The following ANKRD62 variants were observed in gnomAD, a reference collection of about 807,000 sequenced individuals.
ANKRD62 encodes ankyrin repeat domain 62, also known as ankyrin repeat domain-containing protein 62.
A neutral mutation model predicts 98.8 loss-of-function variants in ANKRD62; 61 were observed. That is an observed-to-expected ratio of 0.62 (90% CI 0.50 to 0.76). The LOEUF (loss-of-function observed/expected upper bound fraction) is 0.76, where lower values mean the gene tolerates loss of function less well. Among genes scored for constraint, ANKRD62 ranks in the 30% least tolerant of loss-of-function variants. The pLI is 0.00. For missense variants in ANKRD62, 933 were observed against 1,082.9 expected (o/e 0.86, Z 1.94); for synonymous variants, 341 against 367.9 (o/e 0.93, Z 0.84).
the ANKRD62 span, among the ~76,000 whole-genome samples, chr18:12,171,039 G>C: frequency 1.3e-5 from 2 of 150,288 alleles, no homozygotes; most frequent in East Asian, 4.0e-4. Flanking sequence ...GTCTCTGCAC[G>C]TGAGATGAGT....
intron 8 of ANKRD62, among the ~76,000 whole-genome samples, chr18:12,113,821 C>T (rs921509635): frequency 6.6e-6 from 1 of 152,180 alleles, no homozygotes; most frequent in Non-Finnish European, 1.5e-5. Context: ...ATAAATTATT[C>T]TGTTATAAAG....
chr18:12,160,778 G>T, the ANKRD62 span, among the ~76,000 whole-genome samples: 2 of 152,106 alleles, frequency 1.3e-5, no homozygotes, highest in African/African-American at 4.8e-5. Context: ...GGCATTATAT[G>T]TAAGTTGTTT....
At chr18:12,131,627 G>C (rs1449839473), downstream of ANKRD62, among the ~76,000 whole-genome samples, 1 of 152,134 alleles carries the variant, frequency 6.6e-6, no homozygotes, top group Non-Finnish European at 1.5e-5. Context: ...GGTTATGGTA[G>C]TGATTTAAGG....
the ANKRD62 span, among the ~76,000 whole-genome samples, chr18:12,140,168 T>C: frequency 3.1e-3 from 469 of 152,356 alleles, 3 homozygotes; most frequent in African/African-American, 9.8e-3. Context: ...ATTCATCACG[T>C]AGTTCTCGTG....
At chr18:12,150,412 A>T in the ANKRD62 span, among the ~76,000 whole-genome samples, 1 of 152,204 alleles carries the variant, frequency 6.6e-6, no homozygotes. Flanking sequence ...ACTTCCCCAA[A>T]CTTGCTAGAG....
the ANKRD62 span, among the ~76,000 whole-genome samples, chr18:12,138,353 G>C: frequency 6.6e-6 from 1 of 152,220 alleles, no homozygotes; most frequent in East Asian, 1.9e-4. Context: ...TAGTTGAGCG[G>C]TTTTGAGTGA....
rs558102364 is a variant in ANKRD62 at position 12,100,278 on chromosome 18, AGAAG to A, written c.820+597_820+600del. 1.5e-3 allele frequency among the ~76,000 whole-genome samples: 232 copies of A among 152,334 alleles called. 1 individual carries two copies. Among genetic ancestry groups the A allele is most frequent in the African/African-American group, 5.4e-3 (223 of 41,584 alleles). ...TTACTACAATAAAGTAAACTAGAGA[AGAAG>A]AAACTTATAAAGAAATTCATAATGA... On this transcript the variant is annotated intron_variant, in intron 6 of 13. Transcript: ENST00000587848.
At chr18:12,171,171 C>T in the ANKRD62 span, among the ~76,000 whole-genome samples, 1 of 152,102 alleles carries the variant, frequency 6.6e-6, no homozygotes, top group Non-Finnish European at 1.5e-5. Flanking sequence ...TGAATTTGAT[C>T]CTGTCATTAT....
intron 6 of ANKRD62, chr18:12,101,853 C>T (rs1909306433): frequency 1.7e-6 from 1 of 585,454 alleles, no homozygotes. Context: ...ATTTGGAAAA[C>T]AATCTTGTGA....
At chr18:12,162,627 T>C in the ANKRD62 span, among the ~76,000 whole-genome samples, 6 of 152,146 alleles carry the variant, frequency 3.9e-5, no homozygotes, top group African/African-American at 1.4e-4. Context: ...CCCTGTGTTC[T>C]TGTAGTAGTT....
At chr18:12,168,152 G>A in the ANKRD62 span, among the ~76,000 whole-genome samples, 2 of 152,088 alleles carry the variant, frequency 1.3e-5, no homozygotes, top group Non-Finnish European at 2.9e-5. Context: ...GATCCCATTT[G>A]TCAATTTTGG....
the ANKRD62 span, among the ~76,000 whole-genome samples, chr18:12,172,152 C>A: frequency 6.6e-6 from 1 of 152,230 alleles, no homozygotes; most frequent in East Asian, 1.9e-4. Context: ...TCGTCAAAGT[C>A]ATTCTCCGTC....
At chr18:12,112,335 GA>G (rs1909561514) in intron 8 of ANKRD62, among the ~76,000 whole-genome samples, 1 of 152,110 alleles carries the variant, frequency 6.6e-6, no homozygotes, top group African/African-American at 2.4e-5. Context: ...CAGAGTTACA[GA>G]AACCAAACAA....
chr18:12,114,224 T>G (rs961525558), intron 8 of ANKRD62, among the ~76,000 whole-genome samples: 5 of 152,120 alleles, frequency 3.3e-5, no homozygotes, highest in Non-Finnish European at 7.3e-5. Context: ...TGAAATAATC[T>G]GCAACAAAAC....
chr18:12,107,498 C>T (rs1245076222), intron 8 of ANKRD62, 31 bp downstream of exon 8: 2 of 1,412,376 alleles, frequency 1.4e-6, no homozygotes, highest in Non-Finnish European at 1.8e-6. Context: ...AACAGCGGAT[C>T]ACTGTTAATT....
intron 10 of ANKRD62, among the ~76,000 whole-genome samples, chr18:12,118,464 C>T (rs1257129612): frequency 6.6e-6 from 1 of 151,976 alleles, no homozygotes; most frequent in East Asian, 1.9e-4. Context: ...CAAAAAGTAG[C>T]CGGGTGTGGT....
chr18:12,097,845 A>G (rs182651016), intron 5 of ANKRD62, 68 bp downstream of exon 5: 1 of 1,488,176 alleles, frequency 6.7e-7, no homozygotes, highest in Non-Finnish European at 9.0e-7. Context: ...TGCATCTTAT[A>G]TATCAAGTGA....
chr18:12,140,397 C>T, the ANKRD62 span, among the ~76,000 whole-genome samples: 2 of 152,206 alleles, frequency 1.3e-5, no homozygotes, highest in Non-Finnish European at 2.9e-5. Flanking sequence ...TGAGGAGCTG[C>T]GTTCCTTTGG....
the ANKRD62 span, among the ~76,000 whole-genome samples, chr18:12,170,389 C>T: frequency 1.3e-5 from 2 of 152,156 alleles, no homozygotes; most frequent in Non-Finnish European, 2.9e-5. Flanking sequence ...CGTTATGTAT[C>T]CAGTAGTCAT....
Sources: gnomAD v4.1 joint callset for allele counts (sites outside exome capture counted in the v4.1 genomes callset) on GRCh38, gnomAD v4.1.1 for gene constraint, MANE v1.5 for transcripts, NCBI Gene and HGNC (gene_info 2026-07-23, HGNC 2026-07-21) for gene names.